Variants in COL8A1 observed in about 807,000 individuals in gnomAD.
The protein encoded by COL8A1 is collagen type VIII alpha 1 chain.
COL8A1 carries 21 observed loss-of-function variants against 42.7 expected under a neutral mutation model. The ratio of observed to expected loss-of-function variants is 0.49; its 90% confidence interval spans 0.35 to 0.71. COL8A1 has a LOEUF of 0.71. Among genes scored for constraint, COL8A1 ranks in the 30% least tolerant of loss-of-function variants. The probability of loss-of-function intolerance (pLI) is 0.01; values close to 1 mark genes in which losing one functional copy is unlikely to be tolerated. For synonymous variants in COL8A1, 367 were observed against 369.1 expected, an observed-to-expected ratio of 0.99 and a Z score of 0.06; for missense variants, 788 against 962.4, an observed-to-expected ratio of 0.82 and a Z score of 2.40.
At chr3:99,676,987 G>A (rs2107318971) in intron 1 of COL8A1, among the ~76,000 whole-genome samples, 1 of 151,960 alleles carries the variant, frequency 6.6e-6, no homozygotes, top group African/African-American at 2.4e-5. Flanking sequence ...GGAGGCCAAG[G>A]CAGGTGGATC....
In COL8A1 at chr3:99,683,909, T is replaced by C. The variant is rs78113091; in HGVS notation, c.-129+45245T>C. 5.7e-4 allele frequency among the ~76,000 whole-genome samples: 87 copies of C among 151,314 alleles called. No individual in the cohort carries two copies. The East Asian group carries it at 0.016, about 28-fold the overall frequency. On this transcript the variant is annotated intron_variant, in intron 1 of 3. Coordinates refer to ENST00000652472, the MANE Select transcript of COL8A1 (RefSeq NM_020351.4). ...TCTCTATAAGACCAAAACAATAAGC[T>C]AAAAAAAAACCAACATTTCATGAAA...
chr3:99,730,991 C>A (rs1252033256), intron 1 of COL8A1, among the ~76,000 whole-genome samples: 2 of 151,982 alleles, frequency 1.3e-5, no homozygotes, highest in East Asian at 1.9e-4. Context: ...TTCAAAAGCA[C>A]AAAGAATATT....
At chr3:99,789,913 T>G (rs1051139266) in intron 2 of COL8A1, among the ~76,000 whole-genome samples, 1 of 152,222 alleles carries the variant, frequency 6.6e-6, no homozygotes, top group East Asian at 1.9e-4. Flanking sequence ...TTTTAAAATA[T>G]TTCATACTAT....
At chr3:99,771,543 T>G (rs1941580696) in intron 2 of COL8A1, among the ~76,000 whole-genome samples, 1 of 152,212 alleles carries the variant, frequency 6.6e-6, no homozygotes, top group Non-Finnish European at 1.5e-5. Flanking sequence ...CCAGGCAACG[T>G]AAACTCCACT....
chr3:99,678,890 C>T (rs1253259976), intron 1 of COL8A1: 2 of 152,152 alleles, frequency 1.3e-5, no homozygotes, highest in Non-Finnish European at 2.9e-5. Context: ...TTATCTTACA[C>T]TTAAAAATAT....
chr3:99,718,898 G>C (rs766406413), intron 1 of COL8A1, among the ~76,000 whole-genome samples: 6 of 151,976 alleles, frequency 3.9e-5, no homozygotes, highest in Non-Finnish European at 7.4e-5. Flanking sequence ...AATTTATTGA[G>C]TGCCTCATGA....
intron 1 of COL8A1, among the ~76,000 whole-genome samples, chr3:99,707,856 C>T (rs1939725559): frequency 6.6e-6 from 1 of 152,176 alleles, no homozygotes; most frequent in South Asian, 2.1e-4. Context: ...CCTTACATTT[C>T]ATTCAAGTAA....
chr3:99,738,812 C>G (rs2107397787), intron 1 of COL8A1, among the ~76,000 whole-genome samples: 1 of 152,320 alleles, frequency 6.6e-6, no homozygotes, highest in Non-Finnish European at 1.5e-5. Flanking sequence ...GGCGGGCACC[C>G]CTCCCCCAGC....
intron 1 of COL8A1, among the ~76,000 whole-genome samples, chr3:99,720,137 A>G (rs1576446672): frequency 6.6e-6 from 1 of 152,096 alleles, no homozygotes; most frequent in African/African-American, 2.4e-5. Context: ...TCAAAAGTAG[A>G]TCCAATTAGA....
chr3:99,704,500 G>A (rs1011847639), intron 1 of COL8A1, among the ~76,000 whole-genome samples: 8 of 152,036 alleles, frequency 5.3e-5, no homozygotes, highest in African/African-American at 1.9e-4. Flanking sequence ...CCATGTTGGT[G>A]TGAAGGCTTA....
intron 1 of COL8A1, among the ~76,000 whole-genome samples, chr3:99,724,695 A>C (rs1940253971): frequency 1.3e-5 from 2 of 152,116 alleles, no homozygotes. Context: ...AGTTAGGTTA[A>C]AAAATTCCAA....
intron 3 of COL8A1, among the ~76,000 whole-genome samples, chr3:99,793,144 A>G (rs1473560355): frequency 3.3e-5 from 5 of 152,152 alleles, no homozygotes; most frequent in Non-Finnish European, 7.3e-5. Context: ...GAGAATGGAG[A>G]GATGATGATG....
chr3:99,785,827 T>C (rs1941884030), intron 2 of COL8A1, among the ~76,000 whole-genome samples: 1 of 152,174 alleles, frequency 6.6e-6, no homozygotes, highest in Non-Finnish European at 1.5e-5. Flanking sequence ...TGAACTTCAA[T>C]GTCTCTAGAA....
intron 1 of COL8A1, among the ~76,000 whole-genome samples, chr3:99,643,954 AG>A (rs1366245659): frequency 6.6e-6 from 1 of 152,202 alleles, no homozygotes; most frequent in Non-Finnish European, 1.5e-5. Flanking sequence ...AAAAACATTA[AG>A]GGACACATCA....
chr3:99,782,286 TAAG>T lies in COL8A1; in HGVS notation c.-3-8390_-3-8388del, dbSNP rs548401663. 3.3e-5 allele frequency among the ~76,000 whole-genome samples: 5 copies of T among 152,284 alleles called. No homozygotes were observed. In the East Asian group the frequency reaches 9.6e-4, roughly 29 times the overall value. The stretch of plus-strand genomic sequence containing the variant: ...TCCATCATTATTCCATCGCCAACTG[TAAG>T]AAGGGAGAGTGCAATATTGAAAAGT... On this transcript the variant is annotated intron_variant, in intron 2 of 3. Coordinates refer to ENST00000652472, the MANE Select transcript of COL8A1 (RefSeq NM_020351.4).
chr3:99,724,787 A>G (rs1940256423), intron 1 of COL8A1, among the ~76,000 whole-genome samples: 1 of 152,104 alleles, frequency 6.6e-6, no homozygotes, highest in Non-Finnish European at 1.5e-5. Flanking sequence ...CACAGAAAGC[A>G]CAGGAAATGA....
chr3:99,674,571 G>A (rs1381780656), intron 1 of COL8A1, among the ~76,000 whole-genome samples: 1 of 151,934 alleles, frequency 6.6e-6, no homozygotes, highest in Non-Finnish European at 1.5e-5. Flanking sequence ...ATGCAGCTCA[G>A]GCTCTACATT....
intron 2 of COL8A1, among the ~76,000 whole-genome samples, chr3:99,751,384 C>A (rs1941144887): frequency 6.6e-6 from 1 of 152,044 alleles, no homozygotes; most frequent in African/African-American, 2.4e-5. Flanking sequence ...ATGGCGAAAC[C>A]CTGCCTCTAC....
chr3:99,743,076 T>C (rs1184681184), intron 1 of COL8A1, among the ~76,000 whole-genome samples: 1 of 152,178 alleles, frequency 6.6e-6, no homozygotes, highest in Non-Finnish European at 1.5e-5. Context: ...GCACAAAAAT[T>C]ACTTATAGGC....
Sources: gnomAD v4.1 joint callset for allele counts (sites outside exome capture counted in the v4.1 genomes callset) on GRCh38, gnomAD v4.1.1 for gene constraint, MANE v1.5 for transcripts, NCBI Gene and HGNC (gene_info 2026-07-23, HGNC 2026-07-21) for gene names.